Variants in LRMDA observed in about 807,000 individuals in gnomAD.
The protein encoded by LRMDA is leucine rich melanocyte differentiation associated, also known as leucine-rich melanocyte differentiation-associated protein.
A neutral mutation model predicts 29.8 loss-of-function variants in LRMDA; 18 were observed. The ratio of observed to expected loss-of-function variants is 0.60; its 90% confidence interval spans 0.42 to 0.90. LRMDA has a LOEUF of 0.90. Ranked by LOEUF, LRMDA falls within the 40% of genes least tolerant of loss-of-function variation. The pLI, the probability that LRMDA is intolerant of heterozygous loss-of-function variation, is 0.00. For missense variants in LRMDA, 273 were observed against 273.9 expected, an observed-to-expected ratio of 1.00 and a Z score of 0.02; for synonymous variants, 125 against 109.4, an observed-to-expected ratio of 1.14 and a Z score of -0.89.
chr10:75,469,169 C>A (rs951874154), intron 2 of LRMDA, among the ~76,000 whole-genome samples: 3 of 151,538 alleles, frequency 2.0e-5, no homozygotes, highest in African/African-American at 7.3e-5. Flanking sequence ...TTAGAAACTC[C>A]AAGAAATCTG....
chr10:75,869,374 A>T (rs1845071589), intron 2 of LRMDA, among the ~76,000 whole-genome samples: 2 of 152,188 alleles, frequency 1.3e-5, no homozygotes, highest in African/African-American at 4.8e-5. Context: ...TTGCTGCCAT[A>T]TGTGATATTC....
At chr10:76,139,864 C>T (rs1021289235) in intron 5 of LRMDA, among the ~76,000 whole-genome samples, 1 of 151,864 alleles carries the variant, frequency 6.6e-6, no homozygotes, top group Non-Finnish European at 1.5e-5. Flanking sequence ...CCATATCAGG[C>T]CCTGAAGAGG....
At chr10:76,013,692 G>A (rs1251341377) in intron 2 of LRMDA, among the ~76,000 whole-genome samples, 6 of 152,036 alleles carry the variant, frequency 3.9e-5, no homozygotes, top group Non-Finnish European at 5.9e-5. Flanking sequence ...GAAGGCCGAG[G>A]AAGAGTGGAG....
At chr10:75,488,978 C>T (rs1564784153) in intron 2 of LRMDA, among the ~76,000 whole-genome samples, 1 of 152,202 alleles carries the variant, frequency 6.6e-6, no homozygotes, top group Non-Finnish European at 1.5e-5. Context: ...CGAGTTATCT[C>T]AGTCCTCACA....
intron 5 of LRMDA, among the ~76,000 whole-genome samples, chr10:76,097,518 C>T (rs1215634005): frequency 6.6e-6 from 1 of 152,170 alleles, no homozygotes; most frequent in Non-Finnish European, 1.5e-5. Flanking sequence ...GGAAGACAGC[C>T]AGGCTATCAC....
intron 6 of LRMDA, among the ~76,000 whole-genome samples, chr10:76,485,258 A>T (rs1488102668): frequency 6.6e-6 from 1 of 151,698 alleles, no homozygotes; most frequent in African/African-American, 2.4e-5. Context: ...AGCATTTTAT[A>T]TGATTCTATA....
At chr10:75,563,221 A>G (rs1840323008) in intron 2 of LRMDA, among the ~76,000 whole-genome samples, 1 of 151,870 alleles carries the variant, frequency 6.6e-6, no homozygotes, top group African/African-American at 2.4e-5. Flanking sequence ...TGGAGGCTTT[A>G]TTCGTTTCTT....
intron 5 of LRMDA, among the ~76,000 whole-genome samples, chr10:76,292,219 A>G (rs1434379114): frequency 6.6e-6 from 1 of 152,196 alleles, no homozygotes; most frequent in Non-Finnish European, 1.5e-5. Flanking sequence ...ATATTAATAT[A>G]TAGCCTTCCA....
chr10:75,552,501 A>G (rs1456512179), intron 2 of LRMDA: 1 of 467,670 alleles, frequency 2.1e-6, no homozygotes, highest in Non-Finnish European at 4.5e-6. Context: ...GAGGTGTGCC[A>G]TCCACCCCAT....
At chr10:75,807,397 C>T (rs952848271) in intron 2 of LRMDA, among the ~76,000 whole-genome samples, 1 of 152,240 alleles carries the variant, frequency 6.6e-6, no homozygotes, top group African/African-American at 2.4e-5. Flanking sequence ...TGGCTCACAT[C>T]GCCTAGCCGT....
intron 5 of LRMDA, among the ~76,000 whole-genome samples, chr10:76,178,949 C>T (rs540101170): frequency 2.0e-5 from 3 of 152,198 alleles, no homozygotes; most frequent in Admixed American, 6.5e-5. Context: ...TGGTGTTCAC[C>T]GTGTTTGTTC....
intron 2 of LRMDA, among the ~76,000 whole-genome samples, chr10:75,691,296 G>T (rs149734590): frequency 3.3e-4 from 50 of 149,942 alleles, no homozygotes; most frequent in Middle Eastern, 3.4e-3. Context: ...CTGGTCTTGT[G>T]CTGTTTTTTG....
At chr10:75,483,595 C>T (rs1438983683) in intron 2 of LRMDA, among the ~76,000 whole-genome samples, 2 of 152,028 alleles carry the variant, frequency 1.3e-5, no homozygotes, top group African/African-American at 2.4e-5. Flanking sequence ...CATTGTGAAA[C>T]GTGCTTTGCA....
chr10:76,434,554 C>T (rs1487508469), intron 6 of LRMDA, among the ~76,000 whole-genome samples: 1 of 152,280 alleles, frequency 6.6e-6, no homozygotes, highest in African/African-American at 2.4e-5. Flanking sequence ...CTTACCTACC[C>T]ACCCATCAGT....
intron 2 of LRMDA, among the ~76,000 whole-genome samples, chr10:75,942,462 A>C (rs1846408472): frequency 6.6e-6 from 1 of 152,216 alleles, no homozygotes; most frequent in Admixed American, 6.5e-5. Flanking sequence ...GCTTATGCTT[A>C]ACCTCTAATC....
At chr10:76,146,882 T>A (rs1033817896) in intron 5 of LRMDA, among the ~76,000 whole-genome samples, 8 of 152,196 alleles carry the variant, frequency 5.3e-5, no homozygotes, top group African/African-American at 1.9e-4. Flanking sequence ...GCAGGCCTGC[T>A]GGTGACAAAA....
intron 5 of LRMDA, among the ~76,000 whole-genome samples, chr10:76,230,116 G>A (rs12161691): frequency 0.18 from 27,392 of 151,844 alleles, 2,980 homozygotes; most frequent in East Asian, 0.51. Flanking sequence ...ATGTCTGACT[G>A]CCTACCTACT....
chr10:75,515,328 G>A (rs544283209), intron 2 of LRMDA, among the ~76,000 whole-genome samples: 2 of 152,300 alleles, frequency 1.3e-5, no homozygotes, highest in Non-Finnish European at 2.9e-5. Flanking sequence ...CATTGTGAAT[G>A]TGCAAATGTC....
intron 2 of LRMDA, among the ~76,000 whole-genome samples, chr10:75,651,186 T>C (rs1298141568): frequency 6.6e-6 from 1 of 152,174 alleles, no homozygotes; most frequent in Non-Finnish European, 1.5e-5. Context: ...AAAATGTTGC[T>C]GTATGGCAAG....
Sources: gnomAD v4.1 joint callset for allele counts (sites outside exome capture counted in the v4.1 genomes callset) on GRCh38, gnomAD v4.1.1 for gene constraint, MANE v1.5 for transcripts, NCBI Gene and HGNC (gene_info 2026-07-23, HGNC 2026-07-21) for gene names.